The following UBXN11 variants were observed in gnomAD, a reference collection of about 807,000 sequenced individuals.
The protein encoded by UBXN11 is UBX domain-containing protein 11.
A neutral mutation model predicts 62.8 loss-of-function variants in UBXN11; 47 were observed. The ratio of observed to expected loss-of-function variants is 0.75; its 90% CI spans 0.59 to 0.95. UBXN11 has a LOEUF of 0.95. Among genes scored for constraint, UBXN11 ranks in the 40% least tolerant of loss-of-function variants. The pLI is 0.00. For missense variants in UBXN11, 638 were observed against 661.7 expected (o/e 0.96, Z 0.39); for synonymous variants, 294 against 267.0 (o/e 1.10, Z -0.99).
chr1:26,288,277 A>G (rs185913448), intron 8 of UBXN11, among the ~76,000 whole-genome samples: 163 of 151,412 alleles, frequency 1.1e-3, no homozygotes, highest in African/African-American at 3.6e-3. Flanking sequence ...GCTGATGAAC[A>G]TGGGTGGTTG....
chr1:26,315,389 C>T (rs1329051145), intron 1 of UBXN11, among the ~76,000 whole-genome samples: 2 of 152,188 alleles, frequency 1.3e-5, no homozygotes, highest in African/African-American at 2.4e-5. Flanking sequence ...CAGACTTCAA[C>T]ACGGGTATCC....
intron 5 of UBXN11, 109 bp from the exon 6 acceptor site, chr1:26,297,590 C>T (rs907550852): frequency 1.5e-6 from 2 of 1,305,860 alleles, no homozygotes; most frequent in South Asian, 3.1e-5. Context: ...GCAGCAAGCC[C>T]CTGCCACCCT....
At chr1:26,313,272 T>A (rs992060023) in intron 1 of UBXN11, among the ~76,000 whole-genome samples, 2 of 152,096 alleles carry the variant, frequency 1.3e-5, no homozygotes, top group Non-Finnish European at 2.9e-5. Flanking sequence ...CCAGGGACAG[T>A]CATCAAAAGA....
At chr1:26,283,051 G>A (rs1037376568) in intron 12 of UBXN11, 114 bp from the exon 13 acceptor site, 37 of 1,352,800 alleles carry the variant, frequency 2.7e-5, no homozygotes, top group Admixed American at 1.3e-4. Flanking sequence ...TGAGCAAAGC[G>A]GGAGGGGGTG....
intron 4 of UBXN11, among the ~76,000 whole-genome samples, chr1:26,298,264 G>A (rs2073443915): frequency 6.6e-6 from 1 of 152,194 alleles, no homozygotes; most frequent in African/African-American, 2.4e-5. Context: ...TAAATGAACT[G>A]TTTTAGGAAA....
intron 1 of UBXN11, chr1:26,317,837 C>A: frequency 1.7e-6 from 1 of 599,016 alleles, no homozygotes; most frequent in East Asian, 2.9e-5. Context: ...TTATCCACCC[C>A]CAGATCTGCA....
chr1:26,306,552 T>A (rs1409480866), intron 1 of UBXN11, 40 bp downstream of exon 1: 1 of 152,112 alleles, frequency 6.6e-6, no homozygotes, highest in South Asian at 2.1e-4. Flanking sequence ...CCAGCCTGCG[T>A]GGGGACTCCA....
chr1:26,317,719 G>T (rs1429025109), intron 1 of UBXN11, among the ~76,000 whole-genome samples: 2 of 152,108 alleles, frequency 1.3e-5, no homozygotes, highest in East Asian at 1.9e-4. Context: ...ATGATTCCAG[G>T]CCTTGGGCCC....
At chr1:26,284,817 A>G (rs1009548338) in intron 10 of UBXN11, 4 of 1,082,576 alleles carry the variant, frequency 3.7e-6, no homozygotes, top group Admixed American at 5.1e-5. Context: ...CTGCAGCACA[A>G]ACCGCATCAT....
chr1:26,283,050 C>G, intron 12 of UBXN11, 113 bp from the exon 13 acceptor site: 4 of 1,366,354 alleles, frequency 2.9e-6, no homozygotes, highest in Non-Finnish European at 4.1e-6. Flanking sequence ...GTGAGCAAAG[C>G]GGGAGGGGGT....
Position 26,285,927 on chromosome 1 carries a change from C to T in UBXN11, c.670G>A (p.Gly224Arg), listed in dbSNP as rs752734283. The change falls in exon 9 of 15, where the codon GGG (glycine) becomes AGG (arginine). Residue 224 changes from glycine (G) to arginine (R), a missense_variant. Transcript: ENST00000374222. ...GDTQVTPVPG[G>R]ARLRTLEPIP... is the part of the protein sequence containing the mutation. ...GGCTCGAGGGTACGCAGCCGTGCCC[C>T]GCCGGGCACTGGTGTCACTTGGGTG... 24 of 1,613,542 alleles carry T rather than the reference C, an allele frequency of 1.5e-5. No individual in the cohort carries two copies. Among genetic ancestry groups the T allele is most frequent in the Admixed American group, 6.7e-5 (4 of 59,992 alleles).
chr1:26,303,183 G>T, intron 1 of UBXN11: 1 of 280,426 alleles, frequency 3.6e-6, no homozygotes. Context: ...AGGGTGGGAT[G>T]GGATGCAGAA....
chr1:26,289,754 T>A (rs2073214712), intron 8 of UBXN11, among the ~76,000 whole-genome samples: 1 of 152,120 alleles, frequency 6.6e-6, no homozygotes. Flanking sequence ...CCTACCATGC[T>A]CAGTGGAGAG....
At chr1:26,294,483 T>G in intron 7 of UBXN11, 152 bp from the exon 8 acceptor site, 1 of 1,275,064 alleles carries the variant, frequency 7.8e-7, no homozygotes, top group Non-Finnish European at 1.0e-6. Context: ...TCTTGCCATT[T>G]CCTGGCTGTG....
chr1:26,310,096 C>T (rs1270912038), upstream of UBXN11, among the ~76,000 whole-genome samples: 5 of 152,098 alleles, frequency 3.3e-5, no homozygotes, highest in African/African-American at 9.7e-5. Flanking sequence ...CCACTGTGCC[C>T]GGCCCAAAAA....
chr1:26,311,435 C>T (rs533423437), upstream of UBXN11, among the ~76,000 whole-genome samples: 4 of 151,240 alleles, frequency 2.6e-5, no homozygotes, highest in Non-Finnish European at 4.4e-5. Flanking sequence ...CCACCATGCC[C>T]GGTGGAAGTC....
In UBXN11 at chr1:26,297,665, G is replaced by A. The variant is rs1049906957; in HGVS notation, c.301-184C>T. 2.6e-5 allele frequency among the ~76,000 whole-genome samples: 4 copies of A among 152,180 alleles called. No individual in the cohort carries two copies. In the South Asian group the frequency reaches 6.2e-4, roughly 24 times the overall value. ...CAGTTCCTCTGAGGTAGGGAGAGGT[G>A]CGGCCCACACCTGAGGACCCCCACA... On this transcript the variant is annotated intron_variant, in intron 5 of 14. Coordinates refer to ENST00000374222, the MANE Select transcript of UBXN11 (RefSeq NM_001389556.1).
chr1:26,298,648 C>T (rs1259884756), intron 4 of UBXN11, among the ~76,000 whole-genome samples: 7 of 151,856 alleles, frequency 4.6e-5, no homozygotes, highest in South Asian at 2.1e-4. Context: ...AAAAATCAGC[C>T]GGGCGTGGTG....
intron 8 of UBXN11, among the ~76,000 whole-genome samples, chr1:26,293,992 G>A (rs1490968230): frequency 6.6e-6 from 1 of 152,140 alleles, no homozygotes; most frequent in Admixed American, 6.5e-5. Flanking sequence ...AGCAGAGGTA[G>A]GACCGTGGAG....
Sources: allele counts gnomAD v4.1 joint callset (sites outside exome capture counted in the v4.1 genomes callset), GRCh38; gene constraint gnomAD v4.1.1; transcripts MANE v1.5; gene names NCBI Gene and HGNC (gene_info 2026-07-23, HGNC 2026-07-21).